AFG2A: variants seen among roughly 807,000 people sequenced by gnomAD.
AFG2A encodes the protein ATPase family gene 2 protein homolog A.
the AFG2A span, among the ~76,000 whole-genome samples, chr4:123,058,516 T>C: frequency 2.0e-5 from 3 of 152,122 alleles, no homozygotes; most frequent in Non-Finnish European, 4.4e-5. Context: ...TTCCAGCTAC[T>C]TGGGAGGCTG....
chr4:123,213,875 C>T, the AFG2A span, among the ~76,000 whole-genome samples: 1 of 152,238 alleles, frequency 6.6e-6, no homozygotes, highest in East Asian at 1.9e-4. Flanking sequence ...TGCAGAAGTA[C>T]TTATTGCTTA....
chr4:122,926,970 G>A, the AFG2A span, among the ~76,000 whole-genome samples: 1 of 152,136 alleles, frequency 6.6e-6, no homozygotes, highest in African/African-American at 2.4e-5. Flanking sequence ...ACAGAGTGCT[G>A]GAGGAATTAG....
At chr4:123,240,775 AAGATC>A in the AFG2A span, among the ~76,000 whole-genome samples, 4,834 of 152,266 alleles carry the variant, frequency 0.032, 265 homozygotes, top group African/African-American at 0.11. Context: ...AGAAATAACT[AAGATC>A]AGAGCAGAAC....
At chr4:123,017,359 C>CTT in the AFG2A span, among the ~76,000 whole-genome samples, 700 of 74,130 alleles carry the variant, frequency 9.4e-3, 11 homozygotes, top group African/African-American at 0.035. Context: ...CTTTTGACTT[C>CTT]TTTTTTTTTT....
At chr4:123,102,860 G>A in the AFG2A span, among the ~76,000 whole-genome samples, 1 of 149,880 alleles carries the variant, frequency 6.7e-6, no homozygotes, top group African/African-American at 2.5e-5. Flanking sequence ...GTATCTGAAG[G>A]GGCCTGTAAT....
the AFG2A span, among the ~76,000 whole-genome samples, chr4:122,930,108 C>T: frequency 1.9e-3 from 288 of 152,226 alleles, 1 homozygote; most frequent in Middle Eastern, 0.01. Context: ...AAGCAAAGAA[C>T]CTGATTGTAT....
At chr4:123,187,680 T>C in the AFG2A span, among the ~76,000 whole-genome samples, 1 of 151,988 alleles carries the variant, frequency 6.6e-6, no homozygotes, top group Non-Finnish European at 1.5e-5. Context: ...GTTTTTTTTG[T>C]AAGGATATAA....
At chr4:123,226,150 T>A in the AFG2A span, among the ~76,000 whole-genome samples, 1 of 152,218 alleles carries the variant, frequency 6.6e-6, no homozygotes, top group Non-Finnish European at 1.5e-5. Flanking sequence ...AGTCATGTCA[T>A]CTGCAAACAG....
the AFG2A span, among the ~76,000 whole-genome samples, chr4:123,154,658 A>G: frequency 6.6e-6 from 1 of 152,250 alleles, no homozygotes; most frequent in East Asian, 1.9e-4. Flanking sequence ...TAACCACAGC[A>G]CTTAAATTTC....
chr4:123,015,774 C>CTGA, the AFG2A span, among the ~76,000 whole-genome samples: 1 of 147,460 alleles, frequency 6.8e-6, no homozygotes, highest in Non-Finnish European at 1.5e-5. Context: ...GGCAGAGGTG[C>CTGA]CCCTCACCTC....
At chr4:123,159,701 G>C in the AFG2A span, among the ~76,000 whole-genome samples, 2 of 152,134 alleles carry the variant, frequency 1.3e-5, no homozygotes, top group African/African-American at 4.8e-5. Context: ...CAGGACCTAG[G>C]ACCGGGAGGT....
the AFG2A span, among the ~76,000 whole-genome samples, chr4:123,067,171 CCTT>C: frequency 1.3e-5 from 2 of 152,038 alleles, no homozygotes; most frequent in African/African-American, 2.4e-5. Context: ...TGTTGGCTAG[CCTT>C]CTTTTTTGGG....
chr4:123,084,590 A>ATGTGTGTG, the AFG2A span, among the ~76,000 whole-genome samples: 114 of 143,300 alleles, frequency 8.0e-4, no homozygotes, highest in Middle Eastern at 7.1e-3. Context: ...GTATATATAT[A>ATGTGTGTG]TGTGTGTGTG....
chr4:123,126,296 A>G, the AFG2A span, among the ~76,000 whole-genome samples: 2 of 151,992 alleles, frequency 1.3e-5, no homozygotes, highest in East Asian at 1.9e-4. Context: ...AGCCTTTTCC[A>G]TGAATTTTTT....
the AFG2A span, among the ~76,000 whole-genome samples, chr4:123,192,687 C>G: frequency 6.6e-6 from 1 of 152,168 alleles, no homozygotes; most frequent in Non-Finnish European, 1.5e-5. Context: ...CTCCTCTTAG[C>G]GGGCTTTGAG....
chr4:123,228,134 C>T, the AFG2A span, among the ~76,000 whole-genome samples: 3 of 152,044 alleles, frequency 2.0e-5, no homozygotes, highest in Admixed American at 1.3e-4. Flanking sequence ...AGATGAGTTT[C>T]CTGAATACAG....
At chr4:122,979,180 C>G in the AFG2A span, 2 of 1,578,120 alleles carry the variant, frequency 1.3e-6, no homozygotes, top group African/African-American at 2.7e-5. Context: ...TCAATTCAGT[C>G]TGTATTTATG....
At chr4:123,253,357 G>A in the AFG2A span, among the ~76,000 whole-genome samples, 198 of 152,122 alleles carry the variant, frequency 1.3e-3, 1 homozygote, top group Non-Finnish European at 2.4e-3. Flanking sequence ...GGTGGTGGGC[G>A]CCTGTAATCC....
At chr4:123,310,380 G>T in the AFG2A span, among the ~76,000 whole-genome samples, 6 of 152,160 alleles carry the variant, frequency 3.9e-5, no homozygotes, top group Non-Finnish European at 8.8e-5. Context: ...TCTGTCTACT[G>T]AGGCTAGTTC....
Sources: gnomAD v4.1 joint callset for allele counts (sites outside exome capture counted in the v4.1 genomes callset) on GRCh38, gnomAD v4.1.1 for gene constraint, MANE v1.5 for transcripts, NCBI Gene and HGNC (gene_info 2026-07-23, HGNC 2026-07-21) for gene names.